Variants in CUL1 observed in about 807,000 individuals in gnomAD.
The protein encoded by CUL1 is cullin 1, also known as cullin-1.
CUL1 carries 24 observed loss-of-function variants against 118.0 expected under a neutral mutation model. The ratio of observed to expected loss-of-function variants is 0.20; its 90% CI spans 0.15 to 0.29. CUL1 has a LOEUF of 0.29. Ranked by LOEUF, CUL1 falls within the 10% of genes least tolerant of loss-of-function variation. The pLI is 1.00. For missense variants in CUL1, 361 were observed against 933.8 expected (o/e 0.39, Z 7.99); for synonymous variants, 332 against 340.4 (o/e 0.98, Z 0.27).
At chr7:148,759,985 A>G (rs1799783992) in intron 6 of CUL1, among the ~76,000 whole-genome samples, 1 of 152,212 alleles carries the variant, frequency 6.6e-6, no homozygotes, top group Non-Finnish European at 1.5e-5. Context: ...TGATAAAGTA[A>G]TACAATGTCT....
rs1468074782 is a variant in CUL1, at chr7:148,797,871, C to T, written c.1947+12C>T. Reference sequence around the variant, plus strand: ...AGTCGAAGCTATTGGTAGGTTTGCGCCCTTTTATCTTACACTAGAAGAAGC... The same window carrying T: ...AGTCGAAGCTATTGGTAGGTTTGCGTCCTTTTATCTTACACTAGAAGAAGC... On this transcript the variant is annotated intron_variant, in intron 18 of 21. Coordinates refer to ENST00000325222, the MANE Select transcript of CUL1 (RefSeq NM_003592.3). The T allele has an allele frequency of 1.2e-6, 2 of 1,612,790 alleles. No individual in the cohort carries two copies. The highest frequency in any genetic ancestry group is 1.3e-5 in the African/African-American group (1 of 74,816).
intron 2 of CUL1, among the ~76,000 whole-genome samples, chr7:148,750,965 T>C (rs898960324): frequency 2.1e-5 from 3 of 145,760 alleles, no homozygotes; most frequent in African/African-American, 7.7e-5. Flanking sequence ...CTGGGCAACA[T>C]AGTGAGATCC....
intron 9 of CUL1, among the ~76,000 whole-genome samples, chr7:148,780,388 T>G (rs73745374): frequency 0.024 from 3,588 of 152,304 alleles, 131 homozygotes; most frequent in African/African-American, 0.083. Context: ...TATATTTGAA[T>G]TTTTTCCACA....
chr7:148,733,852 T>G (rs540175813), intron 2 of CUL1, among the ~76,000 whole-genome samples: 3 of 152,194 alleles, frequency 2.0e-5, no homozygotes, highest in Non-Finnish European at 4.4e-5. Flanking sequence ...AGGAGAAAAT[T>G]GTGTGTTTTT....
At chr7:148,770,782 C>T (rs974745930) in intron 9 of CUL1, among the ~76,000 whole-genome samples, 4 of 152,172 alleles carry the variant, frequency 2.6e-5, no homozygotes, top group African/African-American at 9.7e-5. Context: ...GAAAGAAACA[C>T]AGCTGCTAAA....
At chr7:148,751,264 G>GGGCCTGGCAAGGTGGCTCACATCTGTA (rs1799481673) in intron 2 of CUL1, among the ~76,000 whole-genome samples, 1 of 151,992 alleles carries the variant, frequency 6.6e-6, no homozygotes, top group Non-Finnish European at 1.5e-5. Context: ...TTGTTTAAAA[G>GGGCCTGGCAAGGTGGCTCACATCTGTA]GGCCTGGCAA....
At chr7:148,738,133 G>A (rs908627162) in intron 2 of CUL1, among the ~76,000 whole-genome samples, 11 of 152,212 alleles carry the variant, frequency 7.2e-5, no homozygotes, top group African/African-American at 2.4e-4. Context: ...TTCCCCAGGT[G>A]TGTTCACTTC....
At chr7:148,729,918 G>A (rs1798702095) in intron 1 of CUL1, 44 bp from the exon 2 acceptor site, 1 of 559,200 alleles carries the variant, frequency 1.8e-6, no homozygotes, top group Non-Finnish European at 3.0e-6. Context: ...CCTTATTACA[G>A]TACCCCAGAG....
chr7:148,755,214 G>C (rs976566596), intron 3 of CUL1, among the ~76,000 whole-genome samples: 1 of 152,080 alleles, frequency 6.6e-6, no homozygotes, highest in Admixed American at 6.6e-5. Context: ...TTTCTTCCTT[G>C]GTCTTCATCC....
At chr7:148,731,797 A>G (rs1044600375) in intron 2 of CUL1, among the ~76,000 whole-genome samples, 3 of 152,320 alleles carry the variant, frequency 2.0e-5, no homozygotes, top group South Asian at 2.1e-4. Context: ...TGGGCTGCCT[A>G]TGTGGCTTCT....
At chr7:148,790,591 C>A in intron 16 of CUL1, 150 bp downstream of exon 16, 2 of 693,248 alleles carry the variant, frequency 2.9e-6, no homozygotes, top group Non-Finnish European at 4.7e-6. Flanking sequence ...TTGTAAGAAT[C>A]AGATGAACCA....
In CUL1 at chr7:148,787,991, A is replaced by C. The variant is rs1359668737; in HGVS notation, c.1480-566A>C. On this transcript the variant is annotated intron_variant, in intron 13 of 21. Transcript: ENST00000325222. The surrounding 1 kb of genome is among the most constrained non-coding windows in gnomAD (Gnocchi z 5.5). ...ATAGTTTCTCACAATTCTGGGGGCC[A>C]CAAGTCCGAGATCAGGGTGCCAGCT... Among the ~76,000 whole-genome samples the C allele has an allele frequency of 6.6e-6, 1 of 152,214 alleles. No homozygotes were observed. Among genetic ancestry groups the C allele is most frequent in the Non-Finnish European group, 1.5e-5 (1 of 68,038 alleles).
chr7:148,780,850 A>T (rs1456981479), intron 9 of CUL1, among the ~76,000 whole-genome samples: 2 of 152,134 alleles, frequency 1.3e-5, no homozygotes, highest in East Asian at 3.9e-4. Flanking sequence ...TTGAAAAAAC[A>T]TCCATTTGAT....
Position 148,754,029 on chromosome 7 carries a change from C to T in CUL1, c.194C>T (p.Ala65Val), listed in dbSNP as rs1799578805. The T allele has an allele frequency of 1.9e-6, 3 of 1,613,936 alleles. No individual in the cohort carries two copies. The Admixed American group carries it at 5.0e-5, about 27-fold the overall frequency. The stretch of plus-strand genomic sequence containing the variant: ...CACCAGTCAAACCAAGCACGAGGAG[C>T]TGGAGTTCCTCCTTCTAAGTCGAAA... ...SVHQSNQARG[A>V]GVPPSKSKKG... Residue 65 changes from alanine (A) to valine (V), a missense_variant, in exon 3 of 22, where the codon GCT becomes GTT. This residue lies in a region of CUL1 where 49 missense variants were observed against 67.4 expected (regional missense o/e 0.73). Coordinates refer to ENST00000325222, the MANE Select transcript of CUL1 (RefSeq NM_003592.3).
intron 1 of CUL1, among the ~76,000 whole-genome samples, chr7:148,700,168 A>G (rs1797675098): frequency 1.3e-5 from 2 of 152,234 alleles, no homozygotes; most frequent in Admixed American, 1.3e-4. Flanking sequence ...CTACTTAAAT[A>G]TTTGTTTGCT....
At chr7:148,738,020 A>G (rs1031935171) in intron 2 of CUL1, among the ~76,000 whole-genome samples, 1 of 152,192 alleles carries the variant, frequency 6.6e-6, no homozygotes, top group African/African-American at 2.4e-5. Flanking sequence ...GGTAGTAGGA[A>G]GTGATTCTGT....
intron 1 of CUL1, among the ~76,000 whole-genome samples, chr7:148,716,788 C>G (rs1798227897): frequency 6.6e-6 from 1 of 152,170 alleles, no homozygotes; most frequent in Non-Finnish European, 1.5e-5. Context: ...TTGCGCAGTG[C>G]TCTATTGTCC....
At chr7:148,751,412 G>T (rs1248299441) in intron 2 of CUL1, among the ~76,000 whole-genome samples, 1 of 151,872 alleles carries the variant, frequency 6.6e-6, no homozygotes, top group African/African-American at 2.4e-5. Context: ...GCCAGGAATG[G>T]TGGCAGGCGC....
intron 9 of CUL1, among the ~76,000 whole-genome samples, chr7:148,775,048 A>G (rs1800352763): frequency 6.6e-6 from 1 of 152,212 alleles, no homozygotes; most frequent in African/African-American, 2.4e-5. Flanking sequence ...AAGTTCTGTG[A>G]TTTAGATTGG....
Sources: allele counts gnomAD v4.1 joint callset (sites outside exome capture counted in the v4.1 genomes callset), GRCh38; gene constraint gnomAD v4.1.1; regional missense constraint gnomAD v4.1.1; non-coding constraint Gnocchi (gnomAD v3.1); transcripts MANE v1.5; gene names NCBI Gene and HGNC (gene_info 2026-07-23, HGNC 2026-07-21).